The following RNF213 variants were observed in gnomAD, a reference collection of about 807,000 sequenced individuals.
RNF213 encodes ring finger protein 213.
RNF213 carries 341 observed loss-of-function variants against 514.4 expected under a neutral mutation model. That is an observed-to-expected ratio of 0.66 (90% CI 0.61 to 0.73). The LOEUF is 0.73. Among genes scored for constraint, RNF213 ranks in the 30% least tolerant of loss-of-function variants. The pLI, the probability that RNF213 is intolerant of heterozygous loss-of-function variation, is 0.00. For missense variants in RNF213, 5,767 were observed against 6,615.6 expected (o/e 0.87, Z 4.45); for synonymous variants, 2,655 against 2,658.2 (o/e 1.00, Z 0.04).
chr17:80,346,500 T>A lies in RNF213; in HGVS notation c.8165T>A (p.Leu2722Gln), dbSNP rs1335216023. 7 of 1,613,762 alleles carry A rather than the reference T, an allele frequency of 4.3e-6. No individual in the cohort carries two copies. Among genetic ancestry groups the A allele is most frequent in the Non-Finnish European group, 5.9e-6 (7 of 1,180,040 alleles). ...CCGTATGACGACAGCAGGCTGCTTC[T>A]GGATGAAATAACACGGGCACAGGAT... The part of the protein sequence containing the change: ...PKPYDDSRLL[L>Q]DEITRAQDLF... The change falls in exon 29 of 68, where the codon CTG becomes CAG. Residue 2722 changes from leucine to glutamine, a missense_variant. Physicochemically the swap from Leu to Gln is moderately radical, Grantham distance 113 (BLOSUM62 -2). Transcript: ENST00000582970. The surrounding 1 kb of genome is among the most constrained non-coding windows in gnomAD (Gnocchi z 8.1).
intron 57 of RNF213, chr17:80,382,767 T>C (rs888986768): frequency 4.0e-6 from 2 of 498,546 alleles, no homozygotes; most frequent in South Asian, 2.1e-5. Context: ...TTATGTAGGA[T>C]AGAGGAATTT....
intron 46 of RNF213, 118 bp from the exon 47 acceptor site, chr17:80,371,756 G>A (rs2079525133): frequency 1.5e-6 from 1 of 657,340 alleles, no homozygotes; most frequent in African/African-American, 1.9e-5. Context: ...GTATATGTAT[G>A]TATATGTTTA....
rs375798834 is a variant in RNF213, at chr17:80,374,500, G to A, written c.12985G>A (p.Val4329Met). 1.2e-6 allele frequency: 2 copies of A among 1,614,110 alleles called. No individual in the cohort carries two copies. The highest frequency in any genetic ancestry group is 1.1e-5 in the South Asian group (1 of 91,092). The change falls in exon 50 of 68, where the codon GTG (valine) becomes ATG (methionine). Residue 4329 changes from valine (V) to methionine (M), a missense_variant. This residue lies in a region of RNF213 where 1,245 missense variants were observed against 1,339.0 expected (regional missense o/e 0.93). Coordinates refer to ENST00000582970, the MANE Select transcript of RNF213 (RefSeq NM_001256071.3). ...CCCAGGCCAGATGGATAGGTACCTG[G>A]TGTACGGCGATGAATACAAGGCTCT... ...DHPGQMDRYL[V>M]YGDEYKALRD...
In RNF213 at chr17:80,344,046, T is replaced by TG. The variant is rs368875063; in HGVS notation, c.6342+37dup. The TG allele has an allele frequency of 1.1e-4, 183 of 1,605,524 alleles. 2 individuals are homozygous for TG. The African/African-American group carries it at 1.9e-3, about 16-fold the overall frequency. ...TACTGTGGGGCGTTTTCGCCTGGCG[T>TG]GGGGGGCTCTTGGGTTCTTTCTGGT... On this transcript the variant is annotated intron_variant, in intron 28 of 67. Transcript: ENST00000582970.
rs923589647 is a variant in RNF213 at position 80,350,364 on chromosome 17, A to C, written c.10152A>C (p.Gly3384=). The C allele has an allele frequency of 1.2e-6, 2 of 1,611,802 alleles. No individual in the cohort carries two copies. The highest frequency in any genetic ancestry group is 2.2e-5 in the East Asian group (1 of 44,878). The change falls in exon 31 of 68, where the codon GGA becomes GGC. Residue 3384 remains glycine, a synonymous_variant. Coordinates refer to ENST00000582970, the MANE Select transcript of RNF213 (RefSeq NM_001256071.3). ...TTTTTCAGACAGATTTTGAAGATGG[A>C]ATCCGTAGCGCCCAGCTCATTGCCT... The part of the protein sequence containing the change: ...ILIFQTDFED[G]IRSAQLIASA...
chr17:80,271,801 A>C (rs1365674663), intron 2 of RNF213, among the ~76,000 whole-genome samples: 14 of 151,414 alleles, frequency 9.2e-5, no homozygotes, highest in South Asian at 8.3e-4. Context: ...ACATGGTGAA[A>C]CCCCGTCTCT....
rs537205707 is a variant in RNF213, at chr17:80,325,183, G to A, written c.3178G>A (p.Val1060Ile). The stretch of plus-strand genomic sequence containing the variant: ...GCTCACGTTGGCAGATGTCAAGCAC[G>A]TCTTCAGATTGTGTGGTATGTTTGC... Reference protein sequence around the residue: ...HLLTLADVKHVFRLCGTDEKI... With the variant: ...HLLTLADVKHIFRLCGTDEKI... The change falls in exon 18 of 68, where the codon GTC (valine) becomes ATC (isoleucine). Residue 1060 changes from valine to isoleucine, a missense_variant. Coordinates refer to ENST00000582970, the MANE Select transcript of RNF213 (RefSeq NM_001256071.3). 15 of 1,534,270 alleles carry A rather than the reference G, an allele frequency of 9.8e-6. No individual in the cohort carries two copies. In the Admixed American group the frequency reaches 1.8e-4, roughly 18 times the overall value.
intron 3 of RNF213, among the ~76,000 whole-genome samples, chr17:80,276,087 T>G (rs1312454239): frequency 1.3e-5 from 2 of 150,890 alleles, no homozygotes; most frequent in African/African-American, 4.9e-5. Context: ...ATTTATTTAT[T>G]TTTTGTTTTA....
intron 8 of RNF213, among the ~76,000 whole-genome samples, chr17:80,292,887 C>T (rs951883037): frequency 1.3e-5 from 2 of 152,158 alleles, no homozygotes; most frequent in East Asian, 1.9e-4. Flanking sequence ...GCCTCCCTGC[C>T]CCCTGGTGTC....
Position 80,325,062 on chromosome 17 carries a change from C to T in RNF213, c.3057C>T (p.Tyr1019=), listed in dbSNP as rs1214404320. 6 of 1,537,174 alleles carry T rather than the reference C, an allele frequency of 3.9e-6. No homozygotes were observed. The highest frequency in any genetic ancestry group is 5.2e-6 in the Non-Finnish European group (6 of 1,146,888). The change falls in exon 18 of 68, where the codon TAC becomes TAT. Residue 1019 remains tyrosine, a synonymous_variant. Coordinates refer to ENST00000582970, the MANE Select transcript of RNF213 (RefSeq NM_001256071.3). ...CCAGTATCCTTCAGGGGTTCTCTTA[C>T]TCTGATTTGCGGAAATTTGGCATCG... The part of the protein sequence containing the change: ...SQTSILQGFS[Y]SDLRKFGIVL...
At chr17:80,383,554 T>C (rs1599200136) in intron 58 of RNF213, 123 bp from the exon 59 acceptor site, 2 of 954,808 alleles carry the variant, frequency 2.1e-6, no homozygotes, top group East Asian at 2.4e-5. Flanking sequence ...CCTGATTACA[T>C]GCTCAGAGCA....
chr17:80,284,428 C>T (rs1431203695), intron 3 of RNF213, among the ~76,000 whole-genome samples: 6 of 151,998 alleles, frequency 3.9e-5, no homozygotes, highest in African/African-American at 1.5e-4. Context: ...CCTGTAATCC[C>T]AGCTACTCAG....
rs2144057940 is a variant in RNF213, at chr17:80,339,444, C to G, written c.5077C>G (p.Gln1693Glu). 6.5e-7 allele frequency: 1 copy of G among 1,537,266 alleles called. No homozygotes were observed. Among genetic ancestry groups the G allele is most frequent in the South Asian group, 1.2e-5 (1 of 84,068 alleles). ...FLDSWKRFVT[Q>E]KRMEHFYLNF... Reference sequence around the variant, plus strand: ...TGACAGCTGGAAGAGATTTGTGACCCAGAAGCGAATGGAGCACTTTTACCT... The same window carrying G: ...TGACAGCTGGAAGAGATTTGTGACCGAGAAGCGAATGGAGCACTTTTACCT... The change falls in exon 26 of 68, where the codon CAG (glutamine) becomes GAG (glutamate). Residue 1693 changes from glutamine (Q) to glutamate (E), a missense_variant. Gln to Glu is a conservative substitution (Grantham distance 29). This residue lies in a region of RNF213 where 1,377 missense variants were observed against 1,635.2 expected (regional missense o/e 0.84). Transcript: ENST00000582970.
chr17:80,277,670 G>T (rs900767028), intron 3 of RNF213, among the ~76,000 whole-genome samples: 1 of 151,684 alleles, frequency 6.6e-6, no homozygotes, highest in African/African-American at 2.4e-5. Context: ...GAATACACAG[G>T]TGAATGCCGA....
intron 20 of RNF213, among the ~76,000 whole-genome samples, chr17:80,328,921 CA>C (rs960264691): frequency 6.6e-6 from 1 of 152,256 alleles, no homozygotes; most frequent in African/African-American, 2.4e-5. Context: ...AATTTTTGCA[CA>C]AACTCTCTGT....
intron 2 of RNF213, among the ~76,000 whole-genome samples, chr17:80,272,637 G>A (rs2043863266): frequency 6.6e-6 from 1 of 152,300 alleles, no homozygotes; most frequent in Admixed American, 6.5e-5. Flanking sequence ...TGGCATACTG[G>A]GGATCAACAT....
chr17:80,380,792 A>G (rs1395461127), intron 55 of RNF213, 39 bp from the exon 56 acceptor site: 1 of 1,613,916 alleles, frequency 6.2e-7, no homozygotes, highest in Middle Eastern at 1.7e-4. Flanking sequence ...CAAAGCGGCC[A>G]GCCTCAGCCT....
At chr17:80,310,057 A>G (rs766473499) in intron 14 of RNF213, among the ~76,000 whole-genome samples, 1 of 151,534 alleles carries the variant, frequency 6.6e-6, no homozygotes, top group Non-Finnish European at 1.5e-5. Context: ...CCAGCCTCCC[A>G]TGGATCAGTT....
chr17:80,289,304 G>C (rs1216686703), intron 5 of RNF213, among the ~76,000 whole-genome samples: 3 of 152,158 alleles, frequency 2.0e-5, no homozygotes, highest in Non-Finnish European at 4.4e-5. Flanking sequence ...CAATGTGGAG[G>C]CTGGGCCAGG....
Sources: allele counts gnomAD v4.1 joint callset (sites outside exome capture counted in the v4.1 genomes callset), GRCh38; gene constraint gnomAD v4.1.1; regional missense constraint gnomAD v4.1.1; non-coding constraint Gnocchi (gnomAD v3.1); transcripts MANE v1.5; gene names NCBI Gene and HGNC (gene_info 2026-07-23, HGNC 2026-07-21).